MAGI2: variants seen among roughly 807,000 people sequenced by gnomAD.
The protein encoded by MAGI2 is membrane-associated guanylate kinase, WW and PDZ domain-containing protein 2.
MAGI2 carries 35 observed loss-of-function variants against 133.3 expected under a neutral mutation model. The ratio of observed to expected loss-of-function variants is 0.26; its 90% CI spans 0.20 to 0.35. The LOEUF is 0.35. Ranked by LOEUF, MAGI2 falls within the 10% of genes least tolerant of loss-of-function variation. The pLI, the probability that MAGI2 is intolerant of heterozygous loss-of-function variation, is 1.00. For synonymous variants in MAGI2, 729 were observed against 710.6 expected (o/e 1.03, Z -0.41); for missense variants, 1,636 against 1,863.4 (o/e 0.88, Z 2.25).
chr7:78,341,947 C>A (rs564310804), intron 9 of MAGI2, among the ~76,000 whole-genome samples: 20 of 152,030 alleles, frequency 1.3e-4, no homozygotes, highest in Middle Eastern at 3.4e-3. Context: ...AACAAAAGCC[C>A]AAATTGACAA....
chr7:79,225,342 A>G (rs529854214), intron 1 of MAGI2, among the ~76,000 whole-genome samples: 54 of 152,350 alleles, frequency 3.5e-4, no homozygotes, highest in African/African-American at 1.1e-3. Context: ...TTATGTTTGG[A>G]ACTTTGCTAT....
At chr7:78,752,310 A>T (rs1026239646) in intron 2 of MAGI2, among the ~76,000 whole-genome samples, 5 of 152,206 alleles carry the variant, frequency 3.3e-5, no homozygotes, top group South Asian at 2.1e-4. Context: ...TTGATTCATC[A>T]TGGTCACAGA....
At chr7:79,205,248 G>A (rs1188804573) in intron 1 of MAGI2, among the ~76,000 whole-genome samples, 2 of 151,774 alleles carry the variant, frequency 1.3e-5, no homozygotes, top group Non-Finnish European at 2.9e-5. Flanking sequence ...CAACCAAATA[G>A]GTATAAGAGA....
intron 3 of MAGI2, among the ~76,000 whole-genome samples, chr7:78,596,638 G>C (rs1804640150): frequency 6.6e-6 from 1 of 152,108 alleles, no homozygotes; most frequent in Non-Finnish European, 1.5e-5. Context: ...TGTTAGTTTT[G>C]ATTCTCAACT....
chr7:78,357,667 G>A (rs1792229141), intron 7 of MAGI2, among the ~76,000 whole-genome samples: 1 of 152,098 alleles, frequency 6.6e-6, no homozygotes, highest in Non-Finnish European at 1.5e-5. Context: ...TGCTTAATAA[G>A]CTTTCAGAGA....
intron 1 of MAGI2, among the ~76,000 whole-genome samples, chr7:79,230,577 G>T (rs978284444): frequency 6.6e-6 from 1 of 151,400 alleles, no homozygotes; most frequent in East Asian, 2.0e-4. Context: ...TTTTTTGGCT[G>T]CATAAATGTC....
At chr7:79,162,282 C>G (rs538233641) in intron 1 of MAGI2, among the ~76,000 whole-genome samples, 1 of 152,088 alleles carries the variant, frequency 6.6e-6, no homozygotes, top group South Asian at 2.1e-4. Context: ...TTAAAATTGT[C>G]AAACTATACT....
intron 9 of MAGI2, among the ~76,000 whole-genome samples, chr7:78,318,999 C>T (rs1247262355): frequency 6.6e-6 from 1 of 152,122 alleles, no homozygotes; most frequent in Non-Finnish European, 1.5e-5. Context: ...CCGGTACCAG[C>T]CACTGCAAAA....
At chr7:78,023,692 G>C (rs1808635415) in intron 21 of MAGI2, among the ~76,000 whole-genome samples, 1 of 152,092 alleles carries the variant, frequency 6.6e-6, no homozygotes, top group Admixed American at 6.5e-5. Flanking sequence ...CACTACCCTG[G>C]TGAAACTGCT....
chr7:78,330,748 T>C (rs1789102657), intron 9 of MAGI2, among the ~76,000 whole-genome samples: 1 of 152,100 alleles, frequency 6.6e-6, no homozygotes, highest in African/African-American at 2.4e-5. Context: ...AGACACAGGT[T>C]TTGATCTCAA....
At chr7:78,500,502 A>C (rs911918461) in intron 5 of MAGI2, among the ~76,000 whole-genome samples, 12 of 152,206 alleles carry the variant, frequency 7.9e-5, no homozygotes, top group African/African-American at 2.7e-4. Context: ...ATTTTGTGCG[A>C]AGATTTTCTA....
intron 1 of MAGI2, among the ~76,000 whole-genome samples, chr7:79,355,739 C>A (rs1422815503): frequency 1.3e-5 from 2 of 152,178 alleles, no homozygotes; most frequent in Non-Finnish European, 2.9e-5. Context: ...CTGTCTATTG[C>A]TTTAAATACA....
chr7:78,750,510 A>G (rs1026613013), intron 2 of MAGI2, among the ~76,000 whole-genome samples: 8 of 152,218 alleles, frequency 5.3e-5, no homozygotes, highest in Admixed American at 5.2e-4. Context: ...AGCAATTTTT[A>G]TATGCCAAGA....
At chr7:79,426,945 T>C (rs1847412220) in intron 1 of MAGI2, among the ~76,000 whole-genome samples, 1 of 152,154 alleles carries the variant, frequency 6.6e-6, no homozygotes, top group African/African-American at 2.4e-5. Flanking sequence ...CAGTTAGTTT[T>C]AGTCCTAAAA....
At chr7:78,947,627 T>G (rs1324541530) in intron 2 of MAGI2, among the ~76,000 whole-genome samples, 5 of 152,128 alleles carry the variant, frequency 3.3e-5, no homozygotes, top group African/African-American at 9.7e-5. Flanking sequence ...TTCATGAGAT[T>G]CATTTTTAAC....
intron 6 of MAGI2, among the ~76,000 whole-genome samples, chr7:78,451,822 C>T (rs1440507062): frequency 6.6e-6 from 1 of 152,070 alleles, no homozygotes; most frequent in Non-Finnish European, 1.5e-5. Flanking sequence ...TATGTTGTAT[C>T]ATTCAAAGGG....
chr7:79,127,618 T>C lies in MAGI2; in HGVS notation c.302-120412A>G, dbSNP rs1225135485. On this transcript the variant is annotated intron_variant, in intron 1 of 21. Transcript: ENST00000354212. ...TCTTCTTTTGAGAAGTGTCTATTCA[T>C]ATCCTTTGCCCACTTTTTGATGGGG... Among the ~76,000 whole-genome samples the C allele has an allele frequency of 3.3e-5, 5 of 152,250 alleles. No homozygotes were observed. In the East Asian group the frequency reaches 9.6e-4, roughly 29 times the overall value.
At chr7:78,885,104 T>C (rs769412204) in intron 2 of MAGI2, among the ~76,000 whole-genome samples, 16 of 151,998 alleles carry the variant, frequency 1.1e-4, no homozygotes, top group Non-Finnish European at 1.9e-4. Flanking sequence ...AGCTAAACAT[T>C]AGGTACATAT....
rs58121901 is a variant in MAGI2, at chr7:79,028,233, A to ATG, written c.302-21029_302-21028dup. Among the ~76,000 whole-genome samples, 628 of 104,780 alleles carry ATG rather than the reference A, an allele frequency of 6.0e-3. 3 individuals carry two copies. The highest frequency in any genetic ancestry group is 0.023 in the African/African-American group (562 of 24,226). The allele number at this position is 104,780 out of a possible 152,430, so 68.7% of individuals were successfully genotyped here. ...CTCAAAAAAATATATATATATATGT[A>ATG]TGTATATATATATATATATATATAT... On this transcript the variant is annotated intron_variant, in intron 1 of 21. Coordinates refer to ENST00000354212, the MANE Select transcript of MAGI2 (RefSeq NM_012301.4).
Sources: allele counts gnomAD v4.1 joint callset (sites outside exome capture counted in the v4.1 genomes callset), GRCh38; gene constraint gnomAD v4.1.1; transcripts MANE v1.5; gene names NCBI Gene and HGNC (gene_info 2026-07-23, HGNC 2026-07-21).